The following SLFN5 variants were observed in gnomAD, a reference collection of about 807,000 sequenced individuals.
SLFN5 encodes the protein schlafen family member 5.
In SLFN5, 34 loss-of-function variants were observed where a neutral mutation model predicts 48.5. That is an observed-to-expected ratio of 0.70 (90% CI 0.53 to 0.93). The LOEUF is 0.93. Ranked by LOEUF, SLFN5 falls within the 40% of genes least tolerant of loss-of-function variation. The probability of loss-of-function intolerance (pLI) is 0.00; values close to 1 mark genes in which losing one functional copy is unlikely to be tolerated. For synonymous variants in SLFN5, 387 were observed against 396.2 expected, an observed-to-expected ratio of 0.98 and a Z score of 0.28; for missense variants, 1,006 against 1,071.3, an observed-to-expected ratio of 0.94 and a Z score of 0.85.
In SLFN5 at chr17:35,265,249, C is replaced by T; in HGVS notation, c.2037C>T (p.Leu679=). 1 of 1,614,228 alleles carries T rather than the reference C, an allele frequency of 6.2e-7. No individual in the cohort carries two copies. The highest frequency in any genetic ancestry group is 8.5e-7 in the Non-Finnish European group (1 of 1,180,040). The stretch of plus-strand genomic sequence containing the variant: ...CAGCAAGGGATGGCCCAGGAGTTCT[C>T]TGGATCTTTCTGGACTACTTTCAGA... The part of the protein sequence containing the change: ...TQTARDGPGV[L]WIFLDYFQTY... The change falls in exon 5 of 5, where the codon CTC becomes CTT. Residue 679 remains leucine, a synonymous_variant. Coordinates refer to ENST00000299977, the MANE Select transcript of SLFN5 (RefSeq NM_144975.4).
chr17:35,244,357 TG>T (rs1354765313), intron 1 of SLFN5, among the ~76,000 whole-genome samples: 2 of 152,070 alleles, frequency 1.3e-5, no homozygotes, highest in East Asian at 1.9e-4. Flanking sequence ...TGAGGGAGGA[TG>T]GGGGGAACTT....
In SLFN5 at chr17:35,270,274, T is replaced by G. The variant is rs1904798324; in HGVS notation, c.*4386T>G. On this transcript the variant is annotated 3_prime_UTR_variant, in exon 5 of 5. Transcript: ENST00000299977. Reference sequence around the variant, plus strand: ...TCTTTCAGTATTGCTAGAATTAATTTTATTGACTTTGCCCCTTTGCATAAA... The same window carrying G: ...TCTTTCAGTATTGCTAGAATTAATTGTATTGACTTTGCCCCTTTGCATAAA... 6.6e-6 allele frequency: 1 copy of G among 152,230 alleles called. No homozygotes were observed. The highest frequency in any genetic ancestry group is 1.5e-5 in the Non-Finnish European group (1 of 68,036). 9.4% of individuals were successfully genotyped at this position (152,230 alleles called of 1,614,324 possible).
At chr17:35,252,398 G>C (rs1239240118) in intron 1 of SLFN5, among the ~76,000 whole-genome samples, 1 of 152,122 alleles carries the variant, frequency 6.6e-6, no homozygotes, top group Non-Finnish European at 1.5e-5. Context: ...ACTCCAGCCT[G>C]GGTGACAGAG....
rs931153188 is a variant in SLFN5 at position 35,268,393 on chromosome 17, G to A, written c.*2505G>A. The A allele has an allele frequency of 6.6e-6, 1 of 152,254 alleles. No individual in the cohort carries two copies. Among genetic ancestry groups the A allele is most frequent in the African/African-American group, 2.4e-5 (1 of 41,458 alleles). The allele number at this position is 152,254 out of a possible 1,614,324, so 9.4% of individuals were successfully genotyped here. A position where few individuals can be genotyped will look rare whatever the true frequency, so the allele number is the denominator to read the frequency against. ...ATGAGCCAGATGAAGAACCCATCCT[G>A]AAAGGATATATAACTCAGGGGACAA... is the stretch of plus-strand genomic sequence containing the variant. On this transcript the variant is annotated 3_prime_UTR_variant, in exon 5 of 5. Coordinates refer to ENST00000299977, the MANE Select transcript of SLFN5 (RefSeq NM_144975.4).
intron 3 of SLFN5, 58 bp downstream of exon 3, chr17:35,261,154 T>C: frequency 6.3e-7 from 1 of 1,581,568 alleles, no homozygotes; most frequent in Non-Finnish European, 8.6e-7. Context: ...ATATAAAAAA[T>C]TGACTCCTAC....
Position 35,265,348 on chromosome 17 carries a change from C to G in SLFN5, c.2136C>G (p.Val712=). 1 of 1,614,154 alleles carries G rather than the reference C, an allele frequency of 6.2e-7. No homozygotes were observed. Among genetic ancestry groups the G allele is most frequent in the Admixed American group, 1.7e-5 (1 of 60,026 alleles). The part of the protein sequence containing the change: ...QYPREEINRV[V]RNAGPIANYL... ...CAAGAGAAGAGATCAACAGAGTGGT[C>G]CGCAATGCAGGTCCAATAGCTAATT... Residue 712 remains valine (V), a synonymous_variant, in exon 5 of 5, where the codon GTC becomes GTG. Coordinates refer to ENST00000299977, the MANE Select transcript of SLFN5 (RefSeq NM_144975.4).
chr17:35,258,540 T>C, intron 1 of SLFN5, 111 bp from the exon 2 acceptor site: 1 of 807,052 alleles, frequency 1.2e-6, no homozygotes, highest in Non-Finnish European at 1.9e-6. Flanking sequence ...AGTCAAATCA[T>C]ATCAGGAATA....
At position 35,259,036 on chromosome 17, in the gene SLFN5, A is replaced by G; in HGVS notation, c.346A>G (p.Asn116Asp). ...TGTGCCACTTGCTACCTTATGCTCCAATTTGTACCACAGAGAGAGAACATC... is the reference window on the plus strand; with the variant it reads ...TGTGCCACTTGCTACCTTATGCTCCGATTTGTACCACAGAGAGAGAACATC... ...AGVPLATLCS[N>D]LYHRERTSTD... The change falls in exon 2 of 5, where the codon AAT becomes GAT. Residue 116 changes from asparagine (N) to aspartate (D), a missense_variant. Coordinates refer to ENST00000299977, the MANE Select transcript of SLFN5 (RefSeq NM_144975.4). 6.2e-7 allele frequency: 1 copy of G among 1,614,184 alleles called. No individual in the cohort carries two copies. The highest frequency in any genetic ancestry group is 8.5e-7 in the Non-Finnish European group (1 of 1,180,028).
rs764171232 is a variant in SLFN5 at position 35,259,558 on chromosome 17, C to T, written c.868C>T (p.Arg290Cys). The change falls in exon 2 of 5, where the codon CGT (arginine) becomes TGT (cysteine). Residue 290 changes from arginine to cysteine, a missense_variant. Physicochemically the swap from Arg to Cys is radical, Grantham distance 180 (BLOSUM62 -3). Coordinates refer to ENST00000299977, the MANE Select transcript of SLFN5 (RefSeq NM_144975.4). ...TGAAGTGCATGATAAGGGGGCCCTC[C>T]GTGGATATGTCTGTGCAATCAAGGT... is the stretch of plus-strand genomic sequence containing the variant. ...FLEVHDKGAL[R>C]GYVCAIKVEK... 8 of 1,613,770 alleles carry T rather than the reference C, an allele frequency of 5.0e-6. No homozygotes were observed. In the Admixed American group the frequency reaches 8.3e-5, roughly 17 times the overall value.
rs749766578 is a variant in SLFN5, at chr17:35,261,000, C to T, written c.1042C>T (p.Gln348Ter). 1 of 1,613,900 alleles carries T rather than the reference C, an allele frequency of 6.2e-7. No homozygotes were observed. Among genetic ancestry groups the T allele is most frequent in the South Asian group, 1.1e-5 (1 of 91,060 alleles). The change falls in exon 3 of 5, where the codon CAG becomes TAG. Residue 348 changes from glutamine to a stop codon, truncating the protein, a stop_gained. Coordinates refer to ENST00000299977, the MANE Select transcript of SLFN5 (RefSeq NM_144975.4). LOFTEE classifies it high-confidence loss of function. ...DLSRCPEMVLQLSLSSATPRS... is the reference protein window; with the variant it reads ...DLSRCPEMVL ...TTCCAGGTGTCCTGAGATGGTTCTC[C>T]AGTTGAGTTTGTCATCTGCCACGCC...
In SLFN5 at chr17:35,264,690, G is replaced by A. The variant is rs1255934189; in HGVS notation, c.1646G>A (p.Gly549Asp). 3 of 1,611,184 alleles carry A rather than the reference G, an allele frequency of 1.9e-6. No homozygotes were observed. The highest frequency in any genetic ancestry group is 2.7e-5 in the African/African-American group (2 of 74,638). ...GFKSFLSEEL[G>D]SEVLNLLTNK... ...AAATCCTTCTTAAGTGAAGAGCTGG[G>A]CTCTGAGGTTTTGAACCTACTGACA... The change falls in exon 4 of 5, where the codon GGC becomes GAC. Residue 549 changes from glycine to aspartate, a missense_variant. Transcript: ENST00000299977.
Position 35,258,789 on chromosome 17 carries a change from T to C in SLFN5, c.99T>C (p.Pro33=). ...CTCAGCAGAGGCAGGAGATGGACCC[T>C]CGCCTGCGGGAGAAACAGAATGAAA... The part of the protein sequence containing the change: ...LGTQQRQEMD[P]RLREKQNEII... The change falls in exon 2 of 5, where the codon CCT becomes CCC. Residue 33 remains proline, a synonymous_variant. Transcript: ENST00000299977. 1 of 1,614,148 alleles carries C rather than the reference T, an allele frequency of 6.2e-7. No homozygotes were observed. The highest frequency in any genetic ancestry group is 2.2e-5 in the East Asian group (1 of 44,888).
Position 35,258,751 on chromosome 17 carries a change from G to C in SLFN5, c.61G>C (p.Val21Leu), listed in dbSNP as rs774498665. The C allele has an allele frequency of 3.7e-6, 6 of 1,614,068 alleles. No homozygotes were observed. Among genetic ancestry groups the C allele is most frequent in the East Asian group, 2.2e-5 (1 of 44,898 alleles). Reference protein sequence around the residue: ...FPECVVDAGKVTLGTQQRQEM... With the variant: ...FPECVVDAGKLTLGTQQRQEM... Reference sequence around the variant, plus strand: ...TGAGTGTGTTGTAGATGCAGGAAAAGTCACCCTTGGGACTCAGCAGAGGCA... The same window carrying C: ...TGAGTGTGTTGTAGATGCAGGAAAACTCACCCTTGGGACTCAGCAGAGGCA... Residue 21 changes from valine (V) to leucine (L), a missense_variant, in exon 2 of 5, where the codon GTC becomes CTC. Transcript: ENST00000299977.
At chr17:35,264,953 G>A (rs201086368) in intron 4 of SLFN5, 50 bp downstream of exon 4, 197 of 1,536,782 alleles carry the variant, frequency 1.3e-4, no homozygotes, top group Middle Eastern at 1.1e-3. Context: ...ACTGTGGCTG[G>A]TGTGGCTTTC....
intron 1 of SLFN5, among the ~76,000 whole-genome samples, chr17:35,251,586 T>C (rs2092442547): frequency 6.6e-6 from 1 of 150,776 alleles, no homozygotes; most frequent in Non-Finnish European, 1.5e-5. Flanking sequence ...TTTGTATTTT[T>C]AGTAGAGACG....
At chr17:35,251,241 C>A (rs1325862228) in intron 1 of SLFN5, among the ~76,000 whole-genome samples, 1 of 152,190 alleles carries the variant, frequency 6.6e-6, no homozygotes, top group Non-Finnish European at 1.5e-5. Context: ...TTGCTGTAGC[C>A]TCACTCTTGA....
intron 3 of SLFN5, 79 bp downstream of exon 3, chr17:35,261,175 A>T (rs1904510943): frequency 6.0e-6 from 9 of 1,490,458 alleles, no homozygotes; most frequent in Non-Finnish European, 8.1e-6. Context: ...TTTATATTAT[A>T]TACAGAATCA....
intron 1 of SLFN5, among the ~76,000 whole-genome samples, chr17:35,245,666 C>A (rs1208698016): frequency 2.0e-5 from 3 of 152,094 alleles, no homozygotes; most frequent in Admixed American, 1.3e-4. Context: ...ACCAATAGTT[C>A]TTTCCTTTTT....
chr17:35,259,460 G>C lies in SLFN5; in HGVS notation c.770G>C (p.Gly257Ala). The change falls in exon 2 of 5, where the codon GGC (glycine) becomes GCC (alanine). Residue 257 changes from glycine to alanine, a missense_variant. Physicochemically the swap from Gly to Ala is moderately conservative, Grantham distance 60 (BLOSUM62 0). Coordinates refer to ENST00000299977, the MANE Select transcript of SLFN5 (RefSeq NM_144975.4). ...DLTSLRASIDGCIKKLPVHHF... is the reference protein window; with the variant it reads ...DLTSLRASIDACIKKLPVHHF... ...ACGAGCTTGAGGGCTTCTATTGATG[G>C]CTGTATTAAGAAGCTACCTGTCCAT... 6.2e-7 allele frequency: 1 copy of C among 1,614,194 alleles called. No homozygotes were observed. The highest frequency in any genetic ancestry group is 8.5e-7 in the Non-Finnish European group (1 of 1,180,046).
Sources: allele counts gnomAD v4.1 joint callset (sites outside exome capture counted in the v4.1 genomes callset), GRCh38; gene constraint gnomAD v4.1.1; transcripts MANE v1.5; gene names NCBI Gene and HGNC (gene_info 2026-07-23, HGNC 2026-07-21).